The following MYT1L variants were observed in gnomAD, a reference collection of about 807,000 sequenced individuals.
The protein encoded by MYT1L is myelin transcription factor 1 like.
A neutral mutation model predicts 126.7 loss-of-function variants in MYT1L; 12 were observed. The observed-to-expected ratio is 0.09, with a 90% confidence interval of 0.06 to 0.15. The LOEUF is 0.15. Among genes scored for constraint, MYT1L ranks in the 10% least tolerant of loss-of-function variants. The probability of loss-of-function intolerance (pLI) is 1.00; values close to 1 mark genes in which losing one functional copy is unlikely to be tolerated. For synonymous variants in MYT1L, 541 were observed against 604.2 expected, an observed-to-expected ratio of 0.90 and a Z score of 1.53; for missense variants, 979 against 1,585.2, an observed-to-expected ratio of 0.62 and a Z score of 6.49.
intron 2 of MYT1L, among the ~76,000 whole-genome samples, chr2:2,186,174 T>TA (rs2092158467): frequency 8.3e-6 from 1 of 121,164 alleles, no homozygotes; most frequent in Admixed American, 8.0e-5. Context: ...CCGCGTTCCT[T>TA]ACGTGAGGGG....
At position 2,242,672 on chromosome 2, in the gene MYT1L, A is replaced by T. The variant is rs150871829; in HGVS notation, c.-421+41732T>A. Among the ~76,000 whole-genome samples, 271 of 152,302 alleles carry T rather than the reference A, an allele frequency of 1.8e-3. 1 individual carries two copies. Among genetic ancestry groups the T allele is most frequent in the African/African-American group, 6.4e-3 (265 of 41,562 alleles). ...TCCCATGAGACTGTGTATGCCTCAT[A>T]AGATGTGATAGCTGTCACCCAGGAG... is the stretch of plus-strand genomic sequence containing the variant. On this transcript the variant is annotated intron_variant, in intron 2 of 24. Transcript: ENST00000647738.
chr2:1,928,210 A>T (rs906456135), intron 9 of MYT1L, among the ~76,000 whole-genome samples: 1 of 152,176 alleles, frequency 6.6e-6, no homozygotes. Context: ...ATAGTGCTGG[A>T]ATTACAGGTG....
chr2:2,037,214 T>C (rs957893167), intron 4 of MYT1L, among the ~76,000 whole-genome samples: 6 of 152,186 alleles, frequency 3.9e-5, no homozygotes, highest in Admixed American at 3.9e-4. Flanking sequence ...TATTACAACA[T>C]GCAATTGTTT....
chr2:1,809,326 A>T (rs2036208206), intron 21 of MYT1L, among the ~76,000 whole-genome samples, 159 bp from the exon 22 acceptor site: 3 of 152,214 alleles, frequency 2.0e-5, no homozygotes, highest in Non-Finnish European at 4.4e-5. Context: ...TGCATACAGT[A>T]TGACAGTTAT....
chr2:1,903,582 TG>T (rs914881094), intron 13 of MYT1L, among the ~76,000 whole-genome samples: 15 of 152,182 alleles, frequency 9.9e-5, no homozygotes, highest in African/African-American at 3.6e-4. Context: ...TCTGGTGGCT[TG>T]GTGATGACAT....
intron 22 of MYT1L, among the ~76,000 whole-genome samples, chr2:1,807,353 G>T (rs2035881044): frequency 6.6e-6 from 1 of 152,206 alleles, no homozygotes; most frequent in South Asian, 2.1e-4. Context: ...GACCCCCGTG[G>T]CTGTGGCCAG....
chr2:2,233,767 C>T (rs2094216538), intron 2 of MYT1L, among the ~76,000 whole-genome samples: 1 of 152,166 alleles, frequency 6.6e-6, no homozygotes, highest in Non-Finnish European at 1.5e-5. Context: ...TCATGTTGAA[C>T]CAAGGCAGCC....
chr2:2,140,851 G>A (rs929562588), intron 3 of MYT1L, among the ~76,000 whole-genome samples: 1 of 152,218 alleles, frequency 6.6e-6, no homozygotes, highest in East Asian at 1.9e-4. Context: ...TTATAGGCAT[G>A]AGCCACTGCG....
intron 14 of MYT1L, among the ~76,000 whole-genome samples, chr2:1,898,528 T>TGCCTGCCTG (rs1414231004): frequency 4.6e-5 from 7 of 152,242 alleles, no homozygotes; most frequent in Admixed American, 1.3e-4. Context: ...GCACAGCTAC[T>TGCCTGCCTG]GCCTGCCTGG....
rs138781570 is a variant in MYT1L, at chr2:2,306,448, G to A, written c.-520-21945C>T. Among the ~76,000 whole-genome samples, 507 of 152,218 alleles carry A rather than the reference G, an allele frequency of 3.3e-3. 6 individuals are homozygous for A. Among genetic ancestry groups the A allele is most frequent in the African/African-American group, 0.012 (479 of 41,532 alleles). Reference sequence around the variant, plus strand: ...ATAGGAGTCTGGACGTCTGGCTCCTGGAATCTTTATTCCACATCATTGTCA... The same window carrying A: ...ATAGGAGTCTGGACGTCTGGCTCCTAGAATCTTTATTCCACATCATTGTCA... On this transcript the variant is annotated intron_variant, in intron 1 of 24. Coordinates refer to ENST00000647738, the MANE Select transcript of MYT1L (RefSeq NM_001303052.2).
At chr2:2,031,266 T>C (rs986875932) in intron 4 of MYT1L, among the ~76,000 whole-genome samples, 2 of 152,220 alleles carry the variant, frequency 1.3e-5, no homozygotes, top group Non-Finnish European at 2.9e-5. Context: ...GAAAGAGGGC[T>C]GGGAGAGGTG....
At chr2:2,189,268 T>C (rs974049551) in intron 2 of MYT1L, among the ~76,000 whole-genome samples, 3 of 152,246 alleles carry the variant, frequency 2.0e-5, no homozygotes, top group African/African-American at 7.2e-5. Context: ...AATGTTCTCC[T>C]GGAGCAGTTC....
chr2:2,238,570 T>C (rs1349009648), intron 2 of MYT1L, among the ~76,000 whole-genome samples: 1 of 152,188 alleles, frequency 6.6e-6, no homozygotes, highest in Admixed American at 6.5e-5. Context: ...TCTTCATTGT[T>C]TGGGGAACAG....
chr2:2,236,666 G>A (rs1173833936), intron 2 of MYT1L, among the ~76,000 whole-genome samples: 1 of 148,158 alleles, frequency 6.7e-6, no homozygotes, highest in African/African-American at 2.5e-5. Context: ...ACCCAACCCA[G>A]CACATCCCAA....
Position 2,131,999 on chromosome 2 carries a change from C to A in MYT1L, c.-304+40873G>T, listed in dbSNP as rs193051196. Among the ~76,000 whole-genome samples, 292 of 147,234 alleles carry A rather than the reference C, an allele frequency of 2.0e-3. 1 individual carries two copies. Among genetic ancestry groups the A allele is most frequent in the African/African-American group, 7.0e-3 (279 of 39,740 alleles). On this transcript the variant is annotated intron_variant, in intron 3 of 24. Coordinates refer to ENST00000647738, the MANE Select transcript of MYT1L (RefSeq NM_001303052.2). Reference sequence around the variant, plus strand: ...TCTTGGCTCACTGCAACCTCCAACTCGCTGGTTCAAGTGATTCTCCCACCT... The same window carrying A: ...TCTTGGCTCACTGCAACCTCCAACTAGCTGGTTCAAGTGATTCTCCCACCT...
intron 22 of MYT1L, among the ~76,000 whole-genome samples, chr2:1,803,510 A>T (rs2035201779): frequency 6.6e-6 from 1 of 152,252 alleles, no homozygotes; most frequent in African/African-American, 2.4e-5. Flanking sequence ...GATCTGCCAG[A>T]TCAGGTCAAC....
chr2:2,272,173 C>A (rs149275649), intron 2 of MYT1L, among the ~76,000 whole-genome samples: 1 of 152,296 alleles, frequency 6.6e-6, no homozygotes, highest in Non-Finnish European at 1.5e-5. Flanking sequence ...GACAGGCACC[C>A]TTATTGCCCA....
At chr2:2,316,013 G>T (rs1226458043) in intron 1 of MYT1L, among the ~76,000 whole-genome samples, 1 of 152,050 alleles carries the variant, frequency 6.6e-6, no homozygotes, top group Admixed American at 6.6e-5. Flanking sequence ...TTGAAATAGT[G>T]GGTTGCTGTG....
chr2:1,873,753 A>G (rs1429759661), intron 18 of MYT1L, among the ~76,000 whole-genome samples: 2 of 152,208 alleles, frequency 1.3e-5, no homozygotes, highest in Non-Finnish European at 2.9e-5. Flanking sequence ...CAGATTTAAC[A>G]TAAAACAAAC....
Sources: allele counts gnomAD v4.1 joint callset (sites outside exome capture counted in the v4.1 genomes callset), GRCh38; gene constraint gnomAD v4.1.1; transcripts MANE v1.5; gene names NCBI Gene and HGNC (gene_info 2026-07-23, HGNC 2026-07-21).